Variants in FYB2 observed in about 807,000 individuals in gnomAD.
FYB2 encodes FYN-binding protein 2.
Under a neutral mutation model 94.1 loss-of-function variants are expected in FYB2, and 103 were observed. The ratio of observed to expected loss-of-function variants is 1.09; its 90% CI spans 0.93 to 1.29. The LOEUF is 1.29. Among genes scored for constraint, FYB2 ranks in the 50% most tolerant of loss-of-function variants. The pLI, the probability that FYB2 is intolerant of heterozygous loss-of-function variation, is 0.00. For synonymous variants in FYB2, 293 were observed against 287.9 expected, an observed-to-expected ratio of 1.02 and a Z score of -0.18; for missense variants, 896 against 841.5, an observed-to-expected ratio of 1.06 and a Z score of -0.80.
chr1:56,779,632 TC>T lies in FYB2; in HGVS notation c.953+7542del, dbSNP rs1488292865. On this transcript the variant is annotated intron_variant, in intron 4 of 19. Coordinates refer to ENST00000343433, the MANE Select transcript of FYB2 (RefSeq NM_001004303.5). ...ACATAAAAGCTAGTGGAAGATGATA[TC>T]ATTCTTTCCATCCATCCTTCTCCCC... Among the ~76,000 whole-genome samples the T allele has an allele frequency of 2.6e-5, 4 of 152,204 alleles. No homozygotes were observed. The East Asian group carries it at 7.7e-4, about 29-fold the overall frequency.
At chr1:56,820,488 C>A (rs1340712336), upstream of FYB2, among the ~76,000 whole-genome samples, 1 of 152,178 alleles carries the variant, frequency 6.6e-6, no homozygotes, top group Non-Finnish European at 1.5e-5. Context: ...CTGCGCCCTG[C>A]TTTATGTGTA....
At position 56,805,476 on chromosome 1, in the gene FYB2, A is replaced by T. The variant is rs115788332; in HGVS notation, c.10-12673T>A. On this transcript the variant is annotated intron_variant, in intron 1 of 19. Transcript: ENST00000343433. ...TCGTGTATGTTGTCTCAATTACCAT[A>T]ATCCTTACAACTGGCTTCTGAGCTG... Among the ~76,000 whole-genome samples, 344 of 152,292 alleles carry T rather than the reference A, an allele frequency of 2.3e-3. 2 individuals carry two copies. The highest frequency in any genetic ancestry group is 7.8e-3 in the African/African-American group (324 of 41,562).
intron 4 of FYB2, among the ~76,000 whole-genome samples, chr1:56,776,815 A>G (rs1337330391): frequency 4.6e-5 from 7 of 152,042 alleles, no homozygotes; most frequent in Non-Finnish European, 8.8e-5. Flanking sequence ...CAAACAACAA[A>G]TCTCTGCCAT....
upstream of FYB2, chr1:56,819,483 CG>C (rs1422125467): frequency 2.8e-6 from 2 of 722,648 alleles, no homozygotes; most frequent in Non-Finnish European, 4.5e-6. Flanking sequence ...GGGCCAGGGC[CG>C]GCCGCCATCC....
At chr1:56,818,654 C>T (rs764785767) in intron 1 of FYB2, among the ~76,000 whole-genome samples, 2 of 152,124 alleles carry the variant, frequency 1.3e-5, no homozygotes, top group Non-Finnish European at 2.9e-5. Context: ...GGAATGCTGG[C>T]GTAGGGCAGG....
chr1:56,808,694 A>G (rs2405234), intron 1 of FYB2, among the ~76,000 whole-genome samples: 151,746 of 152,274 alleles, frequency 1, 75,610 homozygotes, highest in East Asian at 1. Flanking sequence ...ATGCACTGCT[A>G]GCTTTAAAGA....
At chr1:56,772,668 T>G (rs375216208) in intron 4 of FYB2, among the ~76,000 whole-genome samples, 1 of 152,156 alleles carries the variant, frequency 6.6e-6, no homozygotes, top group Admixed American at 6.5e-5. Context: ...TCAGACAGAT[T>G]TGAATTTGAA....
At chr1:56,819,427 C>A, upstream of FYB2, 2 of 1,216,696 alleles carry the variant, frequency 1.6e-6, no homozygotes, top group South Asian at 1.3e-5. Flanking sequence ...AGCCCAGGCT[C>A]CCCACCTGCC....
chr1:56,778,708 A>C (rs756674402), intron 4 of FYB2, among the ~76,000 whole-genome samples: 4 of 152,204 alleles, frequency 2.6e-5, no homozygotes, highest in Non-Finnish European at 5.9e-5. Flanking sequence ...AATAAAGCAG[A>C]ATCATATATG....
chr1:56,720,262 A>C lies in FYB2; in HGVS notation c.2042T>G (p.Phe681Cys). ...ACSNNSRNGIFDLPISPGEEL... is the reference protein window; with the variant it reads ...ACSNNSRNGICDLPISPGEEL... ...TTCTCCAGGACTTATTGGCAAATCAAATATTCCATTTCTTGAATTATTGGA... is the reference window on the plus strand; with the variant it reads ...TTCTCCAGGACTTATTGGCAAATCACATATTCCATTTCTTGAATTATTGGA... Residue 681 changes from phenylalanine to cysteine, a missense_variant, in exon 18 of 20, where the codon TTT becomes TGT. By Grantham distance (205) the Phe-to-Cys change is radical. Transcript: ENST00000343433. The C allele has an allele frequency of 1.2e-6, 2 of 1,612,254 alleles. No homozygotes were observed. The highest frequency in any genetic ancestry group is 4.5e-5 in the East Asian group (2 of 44,722).
chr1:56,751,656 T>C (rs1645202071), intron 8 of FYB2, among the ~76,000 whole-genome samples: 1 of 151,994 alleles, frequency 6.6e-6, no homozygotes, highest in African/African-American at 2.4e-5. Flanking sequence ...CATTTCCTTC[T>C]TTTTGCCTAC....
chr1:56,746,140 C>T (rs1454945376), intron 9 of FYB2, among the ~76,000 whole-genome samples: 1 of 151,828 alleles, frequency 6.6e-6, no homozygotes, highest in Non-Finnish European at 1.5e-5. Flanking sequence ...TATTGTCCGT[C>T]TCCTCTGATC....
intron 1 of FYB2, among the ~76,000 whole-genome samples, chr1:56,806,757 A>G (rs1646657152): frequency 7.7e-6 from 1 of 129,538 alleles, no homozygotes; most frequent in Non-Finnish European, 1.7e-5. Context: ...AAACCAAAAA[A>G]TGCTATGGGT....
chr1:56,746,887 G>T (rs1381314795), intron 9 of FYB2, among the ~76,000 whole-genome samples: 1 of 151,958 alleles, frequency 6.6e-6, no homozygotes, highest in Non-Finnish European at 1.5e-5. Context: ...TTCCAAAATG[G>T]TTGTCCCAGC....
At chr1:56,793,932 G>A (rs377351235) in intron 1 of FYB2, among the ~76,000 whole-genome samples, 29 of 152,004 alleles carry the variant, frequency 1.9e-4, no homozygotes, top group East Asian at 7.7e-4. Context: ...TATCCTCTAG[G>A]GAAATACTCT....
intron 17 of FYB2, among the ~76,000 whole-genome samples, chr1:56,723,259 T>A (rs994719748): frequency 1.1e-4 from 17 of 151,466 alleles, no homozygotes; most frequent in African/African-American, 4.1e-4. Context: ...ATACAACTAA[T>A]CAGTGTTACA....
chr1:56,797,539 GC>G (rs1243425355), intron 1 of FYB2, among the ~76,000 whole-genome samples: 1 of 152,068 alleles, frequency 6.6e-6, no homozygotes, highest in East Asian at 1.9e-4. Flanking sequence ...CTGGAATTTT[GC>G]CCAACAGAGG....
At chr1:56,734,563 A>C (rs1644787580) in intron 15 of FYB2, among the ~76,000 whole-genome samples, 1 of 152,122 alleles carries the variant, frequency 6.6e-6, no homozygotes, top group Non-Finnish European at 1.5e-5. Flanking sequence ...TATCACAAGG[A>C]TAGGAAACCA....
Position 56,787,166 on chromosome 1 carries a change from T to A in FYB2, c.953+9A>T. The A allele has an allele frequency of 1.2e-6, 2 of 1,613,884 alleles. No individual in the cohort carries two copies. ...TACGTTCCTACACAACTAAGGAGCA[T>A]GTACTTACCTCTCTGGAGACAGGGA... On this transcript the variant is annotated intron_variant, in intron 4 of 19. Transcript: ENST00000343433.
Sources: gnomAD v4.1 joint callset for allele counts (sites outside exome capture counted in the v4.1 genomes callset) on GRCh38, gnomAD v4.1.1 for gene constraint, MANE v1.5 for transcripts, NCBI Gene and HGNC (gene_info 2026-07-23, HGNC 2026-07-21) for gene names.